The following SUCLG2 variants were observed in gnomAD, a reference collection of about 807,000 sequenced individuals.
SUCLG2 encodes succinate--CoA ligase [GDP-forming] subunit beta, mitochondrial.
In SUCLG2, 42 loss-of-function variants were observed where a neutral mutation model predicts 47.9. The observed-to-expected ratio is 0.88, with a 90% confidence interval of 0.69 to 1.14. The LOEUF (loss-of-function observed/expected upper bound fraction) is 1.14. SUCLG2 is among the 50% of genes most tolerant of loss of function. The pLI, the probability that SUCLG2 is intolerant of heterozygous loss-of-function variation, is 0.00. For synonymous variants in SUCLG2, 195 were observed against 197.3 expected (o/e 0.99, Z 0.10); for missense variants, 571 against 525.9 (o/e 1.09, Z -0.84).
intron 2 of SUCLG2, among the ~76,000 whole-genome samples, chr3:67,603,120 A>G (rs924406507): frequency 6.6e-6 from 1 of 152,236 alleles, no homozygotes; most frequent in Non-Finnish European, 1.5e-5. Flanking sequence ...TATTGACTCC[A>G]AAGTCAAAAT....
intron 9 of SUCLG2, among the ~76,000 whole-genome samples, chr3:67,404,889 T>C (rs1023847354): frequency 6.6e-6 from 1 of 152,122 alleles, no homozygotes; most frequent in African/African-American, 2.4e-5. Context: ...TTCATTCATT[T>C]TACAACCACT....
intron 9 of SUCLG2, among the ~76,000 whole-genome samples, chr3:67,449,238 G>T (rs1462874250): frequency 6.6e-6 from 1 of 152,152 alleles, no homozygotes; most frequent in African/African-American, 2.4e-5. Flanking sequence ...ATATGTGAAT[G>T]TTTTCCAAAA....
At chr3:67,362,619 G>A (rs1001312083) in intron 10 of SUCLG2, among the ~76,000 whole-genome samples, 1 of 152,124 alleles carries the variant, frequency 6.6e-6, no homozygotes, top group Non-Finnish European at 1.5e-5. Context: ...GTATCCTAAC[G>A]CAGCAGATAA....
At chr3:67,441,673 C>A (rs9874854) in intron 9 of SUCLG2, among the ~76,000 whole-genome samples, 1 of 151,908 alleles carries the variant, frequency 6.6e-6, no homozygotes, top group Non-Finnish European at 1.5e-5. Context: ...CAAAGTAATA[C>A]AGATAACTAA....
chr3:67,629,873 C>A (rs1271220381), intron 1 of SUCLG2, among the ~76,000 whole-genome samples: 1 of 152,152 alleles, frequency 6.6e-6, no homozygotes, highest in Non-Finnish European at 1.5e-5. Flanking sequence ...GAACCAGGAA[C>A]CATGACCAAA....
chr3:67,475,496 A>G (rs1410572913), intron 9 of SUCLG2, among the ~76,000 whole-genome samples: 3 of 152,180 alleles, frequency 2.0e-5, no homozygotes, highest in Non-Finnish European at 4.4e-5. Context: ...GAAATTAAAC[A>G]TTTCCAAAGA....
chr3:67,555,898 A>G (rs1177333572), intron 2 of SUCLG2, among the ~76,000 whole-genome samples: 1 of 152,196 alleles, frequency 6.6e-6, no homozygotes, highest in East Asian at 1.9e-4. Context: ...GTCAAATCTA[A>G]GGTGGAGAAA....
At chr3:67,472,328 T>A (rs1704625663) in intron 9 of SUCLG2, among the ~76,000 whole-genome samples, 1 of 152,242 alleles carries the variant, frequency 6.6e-6, no homozygotes, top group South Asian at 2.1e-4. Flanking sequence ...TCATGCTGGA[T>A]GTGAATGAAG....
At chr3:67,386,382 T>C (rs1253010861) in intron 10 of SUCLG2, among the ~76,000 whole-genome samples, 3 of 152,102 alleles carry the variant, frequency 2.0e-5, no homozygotes, top group Non-Finnish European at 4.4e-5. Context: ...TCCAAAAGTC[T>C]TGTACACTTC....
At chr3:67,625,007 T>C (rs1700801105) in intron 1 of SUCLG2, among the ~76,000 whole-genome samples, 1 of 152,218 alleles carries the variant, frequency 6.6e-6, no homozygotes, top group African/African-American at 2.4e-5. Flanking sequence ...CTAAACATAC[T>C]ATACCCTCTT....
chr3:67,407,993 C>G (rs73100396), intron 9 of SUCLG2, among the ~76,000 whole-genome samples: 29,445 of 152,108 alleles, frequency 0.19, 3,144 homozygotes, highest in Non-Finnish European at 0.24. Context: ...AAAAAATACT[C>G]TGCTAAATTA....
intron 1 of SUCLG2, among the ~76,000 whole-genome samples, chr3:67,620,583 T>TC (rs1700717587): frequency 4.6e-5 from 1 of 21,670 alleles, no homozygotes; most frequent in Non-Finnish European, 8.5e-5. Flanking sequence ...AGACTCCATC[T>TC]CAAAAAAAAA....
intron 1 of SUCLG2, among the ~76,000 whole-genome samples, chr3:67,625,359 A>C (rs1161013457): frequency 6.6e-6 from 1 of 152,172 alleles, no homozygotes; most frequent in East Asian, 1.9e-4. Context: ...GGCAAAGTAA[A>C]ATGAAAGATT....
At chr3:67,560,173 T>C (rs1707271836) in intron 2 of SUCLG2, among the ~76,000 whole-genome samples, 1 of 152,190 alleles carries the variant, frequency 6.6e-6, no homozygotes, top group Non-Finnish European at 1.5e-5. Flanking sequence ...AAACTGAGAA[T>C]GTGATCTTAT....
At chr3:67,421,186 T>A (rs1229711145) in intron 9 of SUCLG2, among the ~76,000 whole-genome samples, 1 of 152,022 alleles carries the variant, frequency 6.6e-6, no homozygotes, top group African/African-American at 2.4e-5. Flanking sequence ...CAAACTCTTA[T>A]CCAACCTGAT....
At chr3:67,583,875 AG>A (rs1481618599) in intron 2 of SUCLG2, among the ~76,000 whole-genome samples, 1 of 152,188 alleles carries the variant, frequency 6.6e-6, no homozygotes, top group Non-Finnish European at 1.5e-5. Context: ...TGTGCTTTTA[AG>A]GGCTTATGTG....
At chr3:67,466,833 G>A (rs942718557) in intron 9 of SUCLG2, among the ~76,000 whole-genome samples, 11 of 152,272 alleles carry the variant, frequency 7.2e-5, no homozygotes, top group African/African-American at 2.2e-4. Context: ...GGACAGTAAG[G>A]TATGAAATAT....
At position 67,446,641 on chromosome 3, in the gene SUCLG2, C is replaced by A. The variant is rs1703934767; in HGVS notation, c.1063-45790G>T. On this transcript the variant is annotated intron_variant, in intron 9 of 10. Coordinates refer to ENST00000307227, the MANE Select transcript of SUCLG2 (RefSeq NM_003848.4). ...TAGAGATGGGATTTCACCATATTGG[C>A]CAGGCTGGTCTTGAACTCCTGACGT... is the stretch of plus-strand genomic sequence containing the variant. 4.6e-5 allele frequency among the ~76,000 whole-genome samples: 7 copies of A among 150,932 alleles called. No individual in the cohort carries two copies. In the South Asian group the frequency reaches 1.5e-3, roughly 32 times the overall value.
chr3:67,388,556 T>A (rs1281161903), intron 10 of SUCLG2, among the ~76,000 whole-genome samples: 3 of 152,210 alleles, frequency 2.0e-5, no homozygotes, highest in African/African-American at 2.4e-5. Context: ...AGATGAAGCA[T>A]TCTGTTATAA....
Sources: gnomAD v4.1 joint callset for allele counts (sites outside exome capture counted in the v4.1 genomes callset) on GRCh38, gnomAD v4.1.1 for gene constraint, MANE v1.5 for transcripts, NCBI Gene and HGNC (gene_info 2026-07-23, HGNC 2026-07-21) for gene names.